Variants in BACH2 observed in about 807,000 individuals in gnomAD.
BACH2 encodes BACH transcriptional regulator 2, also known as transcription regulator protein BACH2.
In BACH2, 5 loss-of-function variants were observed where a neutral mutation model predicts 61.8. That is an observed-to-expected ratio of 0.08 (90% CI 0.04 to 0.17). BACH2 has a LOEUF of 0.17. Among genes scored for constraint, BACH2 ranks in the 10% least tolerant of loss-of-function variants. The probability of loss-of-function intolerance (pLI) is 1.00; values close to 1 mark genes in which losing one functional copy is unlikely to be tolerated. For missense variants in BACH2, 824 were observed against 1,091.1 expected (o/e 0.76, Z 3.45); for synonymous variants, 446 against 440.1 (o/e 1.01, Z -0.17).
intron 6 of BACH2, among the ~76,000 whole-genome samples, chr6:90,004,325 G>A (rs1464764595): frequency 1.3e-5 from 2 of 152,162 alleles, no homozygotes; most frequent in African/African-American, 4.8e-5. Flanking sequence ...AAAAGATAGT[G>A]AGCACAAGCG....
intron 4 of BACH2, among the ~76,000 whole-genome samples, chr6:90,139,143 G>C (rs1168010238): frequency 1.3e-5 from 2 of 152,122 alleles, no homozygotes; most frequent in African/African-American, 2.4e-5. Flanking sequence ...TCCATCACCA[G>C]ATTTTTAAAA....
chr6:90,090,707 G>A lies in BACH2; in HGVS notation c.-161-1598C>T, dbSNP rs9451351. On this transcript the variant is annotated intron_variant, in intron 4 of 8. Transcript: ENST00000257749. Reference sequence around the variant, plus strand: ...GTGGGGGAGCTGTGACTTGTCCATGGGGTCTCCACATGGAAAAGCATGTGA... The same window carrying A: ...GTGGGGGAGCTGTGACTTGTCCATGAGGTCTCCACATGGAAAAGCATGTGA... 6.5e-3 allele frequency among the ~76,000 whole-genome samples: 996 copies of A among 152,160 alleles called. 14 individuals carry two copies. The highest frequency in any genetic ancestry group is 0.022 in the African/African-American group (921 of 41,518).
chr6:90,115,144 T>A (rs1253588248), intron 4 of BACH2, among the ~76,000 whole-genome samples: 1 of 152,106 alleles, frequency 6.6e-6, no homozygotes, highest in Non-Finnish European at 1.5e-5. Flanking sequence ...CTACCAATGA[T>A]ATTCTTCACA....
At chr6:90,229,910 T>C (rs1562516954) in intron 3 of BACH2, among the ~76,000 whole-genome samples, 1 of 152,216 alleles carries the variant, frequency 6.6e-6, no homozygotes, top group Non-Finnish European at 1.5e-5. Context: ...AGGTCAGTCA[T>C]CTGCTGGCTG....
intron 1 of BACH2, among the ~76,000 whole-genome samples, chr6:90,277,888 A>C (rs1435790327): frequency 6.6e-6 from 1 of 152,246 alleles, no homozygotes; most frequent in Non-Finnish European, 1.5e-5. Flanking sequence ...AATGCTGAGC[A>C]CTACTGCCTG....
At chr6:90,270,218 A>C (rs578066977) in intron 2 of BACH2, among the ~76,000 whole-genome samples, 3 of 152,192 alleles carry the variant, frequency 2.0e-5, no homozygotes, top group Non-Finnish European at 2.9e-5. Flanking sequence ...TTTTCATATA[A>C]TGACTTCTTT....
At chr6:89,975,014 A>C (rs1775573907) in intron 6 of BACH2, among the ~76,000 whole-genome samples, 1 of 152,198 alleles carries the variant, frequency 6.6e-6, no homozygotes. Context: ...TCAGCAACAG[A>C]AAATAGAGTA....
intron 4 of BACH2, among the ~76,000 whole-genome samples, chr6:90,119,564 G>A (rs1363825649): frequency 6.6e-6 from 1 of 152,076 alleles, no homozygotes; most frequent in African/African-American, 2.4e-5. Flanking sequence ...CTGAACAGCT[G>A]CAGAAACAAA....
chr6:90,263,307 G>A (rs1771223636), intron 2 of BACH2, among the ~76,000 whole-genome samples: 1 of 150,170 alleles, frequency 6.7e-6, no homozygotes, highest in African/African-American at 2.5e-5. Context: ...TTGACATGAT[G>A]ATGCCTGATG....
intron 4 of BACH2, among the ~76,000 whole-genome samples, chr6:90,121,698 C>A (rs1322483565): frequency 6.6e-6 from 1 of 151,964 alleles, no homozygotes; most frequent in East Asian, 1.9e-4. Flanking sequence ...GCGTCCACCA[C>A]CATACCCAGC....
At chr6:90,145,662 A>G (rs1159341744) in intron 4 of BACH2, among the ~76,000 whole-genome samples, 1 of 152,160 alleles carries the variant, frequency 6.6e-6, no homozygotes, top group East Asian at 1.9e-4. Flanking sequence ...CATTCTCCCA[A>G]ATATGACTGG....
intron 6 of BACH2, among the ~76,000 whole-genome samples, chr6:89,968,068 G>A (rs551248569): frequency 6.6e-6 from 1 of 152,290 alleles, no homozygotes; most frequent in South Asian, 2.1e-4. Context: ...ATTTGCCCAA[G>A]CCATGACCAC....
chr6:90,260,994 C>G (rs753851278), intron 2 of BACH2, among the ~76,000 whole-genome samples: 1 of 152,180 alleles, frequency 6.6e-6, no homozygotes, highest in Non-Finnish European at 1.5e-5. Context: ...GACTGGGAGA[C>G]GCTAGTGGCA....
intron 5 of BACH2, among the ~76,000 whole-genome samples, chr6:90,019,324 C>A (rs1200683922): frequency 3.3e-5 from 5 of 152,038 alleles, no homozygotes; most frequent in African/African-American, 7.2e-5. Context: ...GCCATAAATT[C>A]TTTAATGAAA....
intron 6 of BACH2, among the ~76,000 whole-genome samples, chr6:90,007,400 C>A (rs1373350100): frequency 6.6e-6 from 1 of 152,004 alleles, no homozygotes; most frequent in African/African-American, 2.4e-5. Context: ...CTGCTGGGCT[C>A]AAGGGATCCT....
At chr6:90,136,911 T>C (rs1784289583) in intron 4 of BACH2, among the ~76,000 whole-genome samples, 1 of 151,950 alleles carries the variant, frequency 6.6e-6, no homozygotes, top group Non-Finnish European at 1.5e-5. Flanking sequence ...AGACTTGGAC[T>C]TATGTGAAGA....
At position 90,145,998 on chromosome 6, in the gene BACH2, AAG is replaced by A. The variant is rs948674629; in HGVS notation, c.-161-56891_-161-56890del. On this transcript the variant is annotated intron_variant, in intron 4 of 8. Coordinates refer to ENST00000257749, the MANE Select transcript of BACH2 (RefSeq NM_021813.4). ...AACCAATAACACATTAAACTTCAAT[AAG>A]AGTTTGAAGCTAGAATTTTTGCTTT... Among the ~76,000 whole-genome samples, 42 of 152,374 alleles carry A rather than the reference AAG, an allele frequency of 2.8e-4. 1 individual carries two copies. The highest frequency in any genetic ancestry group is 9.9e-4 in the African/African-American group (41 of 41,584).
At chr6:90,032,455 C>T (rs1779039517) in intron 5 of BACH2, among the ~76,000 whole-genome samples, 1 of 115,880 alleles carries the variant, frequency 8.6e-6, no homozygotes, top group Non-Finnish European at 1.6e-5. Flanking sequence ...GTAATCTACT[C>T]ATCTGACAAA....
At chr6:90,055,634 T>C (rs181794746) in intron 5 of BACH2, among the ~76,000 whole-genome samples, 2,093 of 142,920 alleles carry the variant, frequency 0.015, 16 homozygotes, top group Non-Finnish European at 0.021. Context: ...GCCACAAAGA[T>C]ACTCCTCGAG....
Sources: gnomAD v4.1 joint callset for allele counts (sites outside exome capture counted in the v4.1 genomes callset) on GRCh38, gnomAD v4.1.1 for gene constraint, MANE v1.5 for transcripts, NCBI Gene and HGNC (gene_info 2026-07-23, HGNC 2026-07-21) for gene names.